Variants in NTRK3 observed in about 807,000 individuals in gnomAD.
NTRK3 encodes NT-3 growth factor receptor.
NTRK3 carries 24 observed loss-of-function variants against 91.7 expected under a neutral mutation model. That is an observed-to-expected ratio of 0.26 (90% confidence interval 0.19 to 0.37). The LOEUF (loss-of-function observed/expected upper bound fraction) is 0.37, where lower values mean the gene tolerates loss of function less well. NTRK3 is among the 10% of genes least tolerant of loss of function. NTRK3 has a pLI of 1.00. For synonymous variants in NTRK3, 483 were observed against 404.0 expected, an observed-to-expected ratio of 1.20 and a Z score of -2.34; for missense variants, 880 against 1,068.9, an observed-to-expected ratio of 0.82 and a Z score of 2.46.
intron 17 of NTRK3, among the ~76,000 whole-genome samples, chr15:87,919,894 T>C (rs538981580): frequency 4.6e-5 from 7 of 152,348 alleles, no homozygotes; most frequent in African/African-American, 1.7e-4. Flanking sequence ...CAGTACAGAC[T>C]GGTTAAGACA....
intron 14 of NTRK3, among the ~76,000 whole-genome samples, chr15:88,025,144 T>C (rs2077924343): frequency 6.6e-6 from 1 of 152,228 alleles, no homozygotes; most frequent in Admixed American, 6.5e-5. Context: ...CAGGAGCTGA[T>C]TGGTGAAAGC....
intron 14 of NTRK3, among the ~76,000 whole-genome samples, chr15:88,013,127 G>T (rs1054917324): frequency 1.5e-5 from 1 of 65,306 alleles, no homozygotes; most frequent in African/African-American, 6.7e-5. Context: ...AGCTGAAACC[G>T]TGCACTGGTA....
chr15:88,222,538 A>C (rs1176100545), intron 3 of NTRK3, among the ~76,000 whole-genome samples: 12 of 152,224 alleles, frequency 7.9e-5, no homozygotes, highest in African/African-American at 2.9e-4. Flanking sequence ...ACATTTCTAG[A>C]ACATTTCACA....
At chr15:87,883,381 A>G (rs1457350444) in intron 17 of NTRK3, among the ~76,000 whole-genome samples, 1 of 148,402 alleles carries the variant, frequency 6.7e-6, no homozygotes, top group African/African-American at 2.4e-5. Context: ...TATAGAAATA[A>G]TACATATATA....
At chr15:88,186,968 T>C (rs1444877576) in intron 3 of NTRK3, among the ~76,000 whole-genome samples, 1 of 152,158 alleles carries the variant, frequency 6.6e-6, no homozygotes, top group Non-Finnish European at 1.5e-5. Context: ...ATGGGGATAA[T>C]AAAATAACTG....
chr15:87,869,133 A>T, exon 19 of NTRK3: 2 of 229,188 alleles, frequency 8.7e-6, no homozygotes, highest in Non-Finnish European at 1.7e-5. Context: ...ATACAATGAC[A>T]ATCTCTGTCA....
intron 14 of NTRK3, among the ~76,000 whole-genome samples, chr15:87,957,345 A>G (rs2071771870): frequency 6.7e-6 from 1 of 150,152 alleles, no homozygotes; most frequent in Non-Finnish European, 1.5e-5. Context: ...TATGACGCCT[A>G]CAGTCCCACA....
At chr15:88,089,146 G>T (rs1315068649) in intron 13 of NTRK3, among the ~76,000 whole-genome samples, 1 of 151,650 alleles carries the variant, frequency 6.6e-6, no homozygotes, top group Non-Finnish European at 1.5e-5. Flanking sequence ...TATGACGGGG[G>T]CGGTGGGGGA....
rs549202798 is a variant in NTRK3 at position 87,996,168 on chromosome 15, C to T, written c.1585+36689G>A. Among the ~76,000 whole-genome samples the T allele has an allele frequency of 8.8e-4, 134 of 152,154 alleles. 1 individual carries two copies. The highest frequency in any genetic ancestry group is 3.1e-3 in the African/African-American group (130 of 41,500). ...CTGAGGCAGAAGAATCACTTGAACC[C>T]GGGAGGCGGAGGTTGCAGTGAGGTG... is the stretch of plus-strand genomic sequence containing the variant. On this transcript the variant is annotated intron_variant, in intron 14 of 18. Transcript: ENST00000394480.
intron 3 of NTRK3, among the ~76,000 whole-genome samples, chr15:88,198,461 A>C (rs993887029): frequency 2.0e-5 from 3 of 152,056 alleles, no homozygotes; most frequent in Non-Finnish European, 4.4e-5. Flanking sequence ...CTCTCCCCTA[A>C]GCTTTTAACA....
At chr15:87,936,890 T>C (rs1206435048) in intron 15 of NTRK3, among the ~76,000 whole-genome samples, 1 of 152,212 alleles carries the variant, frequency 6.6e-6, no homozygotes, top group African/African-American at 2.4e-5. Context: ...CCAGTGTTTG[T>C]AGTATAAAAT....
At chr15:87,929,311 G>A (rs1163462831) in exon 17 of NTRK3, 4 of 1,614,062 alleles carry the variant, frequency 2.5e-6, no homozygotes, top group African/African-American at 1.3e-5. Context: ...AGTGCTGGGA[G>A]GCCAGGTACA....
At chr15:88,138,378 C>A (rs976980942) in intron 6 of NTRK3, among the ~76,000 whole-genome samples, 12 of 152,128 alleles carry the variant, frequency 7.9e-5, no homozygotes, top group African/African-American at 2.9e-4. Context: ...CCACTGCACT[C>A]CAGCCTGGGC....
intron 14 of NTRK3, among the ~76,000 whole-genome samples, chr15:87,975,485 T>C (rs1017831968): frequency 6.6e-6 from 1 of 152,160 alleles, no homozygotes; most frequent in Non-Finnish European, 1.5e-5. Context: ...ATCCTGTTGG[T>C]GACATTCGAA....
chr15:87,914,091 G>T (rs776351535), intron 17 of NTRK3, among the ~76,000 whole-genome samples: 13 of 152,168 alleles, frequency 8.5e-5, no homozygotes, highest in Middle Eastern at 3.2e-3. Flanking sequence ...GGATGTCGTT[G>T]ATTATTTGAC....
intron 3 of NTRK3, among the ~76,000 whole-genome samples, chr15:88,247,578 T>C (rs1490313647): frequency 6.6e-6 from 1 of 152,158 alleles, no homozygotes; most frequent in Non-Finnish European, 1.5e-5. Context: ...AGCGAATACA[T>C]CATTGCATAG....
intron 3 of NTRK3, among the ~76,000 whole-genome samples, chr15:88,254,698 G>GA (rs1336094858): frequency 6.6e-6 from 1 of 152,144 alleles, no homozygotes; most frequent in Non-Finnish European, 1.5e-5. Context: ...TAAGTCCGTC[G>GA]AAGGGGTAAA....
At chr15:87,998,510 C>A (rs1404622871) in intron 14 of NTRK3, among the ~76,000 whole-genome samples, 2 of 152,220 alleles carry the variant, frequency 1.3e-5, no homozygotes, top group Non-Finnish European at 2.9e-5. Context: ...GTCCTGGGAG[C>A]TCTCGTGCAA....
At chr15:88,094,475 C>CAAAA (rs10610101) in intron 13 of NTRK3, among the ~76,000 whole-genome samples, 6 of 30,322 alleles carry the variant, frequency 2.0e-4, no homozygotes, top group East Asian at 1.2e-3. Flanking sequence ...GACTCCGTCT[C>CAAAA]AAAAAAAAAA....
Sources: gnomAD v4.1 joint callset for allele counts (sites outside exome capture counted in the v4.1 genomes callset) on GRCh38, gnomAD v4.1.1 for gene constraint, MANE v1.5 for transcripts, NCBI Gene and HGNC (gene_info 2026-07-23, HGNC 2026-07-21) for gene names.